VPS13C: variants seen among roughly 807,000 people sequenced by gnomAD.
VPS13C encodes the protein vacuolar protein sorting 13 homolog C.
A neutral mutation model predicts 456.8 loss-of-function variants in VPS13C; 358 were observed. The ratio of observed to expected loss-of-function variants is 0.78; its 90% CI spans 0.72 to 0.86. The LOEUF is 0.86. VPS13C is among the 40% of genes least tolerant of loss of function. The probability of loss-of-function intolerance (pLI) is 0.00; values close to 1 mark genes in which losing one functional copy is unlikely to be tolerated. For missense variants in VPS13C, 4,818 were observed against 4,385.4 expected, an observed-to-expected ratio of 1.10 and a Z score of -2.79; for synonymous variants, 1,578 against 1,486.7, an observed-to-expected ratio of 1.06 and a Z score of -1.41.
intron 81 of VPS13C, chr15:61,866,294 T>C: frequency 1.0e-6 from 1 of 983,182 alleles, no homozygotes; most frequent in Non-Finnish European, 1.2e-6. Context: ...TCTGATATCT[T>C]AATAAAAACT....
chr15:61,931,278 G>C lies in VPS13C; in HGVS notation c.5869-19C>G. The C allele has an allele frequency of 6.3e-7, 1 of 1,596,938 alleles. No homozygotes were observed. Among genetic ancestry groups the C allele is most frequent in the Non-Finnish European group, 8.5e-7 (1 of 1,173,246 alleles). Reference sequence around the variant, plus strand: ...CAGATTCCTATGGTACATTTTTCAAGCAAAAGAATCAATTACCTTTAAATA... The same window carrying C: ...CAGATTCCTATGGTACATTTTTCAACCAAAAGAATCAATTACCTTTAAATA... On this transcript the variant is annotated intron_variant, in intron 49 of 84. Coordinates refer to ENST00000644861, the MANE Select transcript of VPS13C (RefSeq NM_020821.3).
Position 61,874,966 on chromosome 15 carries a change from T to A in VPS13C, c.10339-15A>T, listed in dbSNP as rs563948234. On this transcript the variant is annotated splice_polypyrimidine_tract_variant and intron_variant, in intron 76 of 84. Transcript: ENST00000644861. ...TGAACAGCACCCTGGCAAAAAAAAA[T>A]AAAAAATAATCTTATTATTTAAAAT... 18 of 1,531,212 alleles carry A rather than the reference T, an allele frequency of 1.2e-5. No homozygotes were observed. The highest frequency in any genetic ancestry group is 7.0e-5 in the East Asian group (3 of 43,124). 94.9% of individuals were successfully genotyped at this position (1,531,212 alleles called of 1,614,324 possible).
chr15:61,886,058 C>T (rs1896244880), intron 67 of VPS13C, among the ~76,000 whole-genome samples: 1 of 152,086 alleles, frequency 6.6e-6, no homozygotes, highest in Non-Finnish European at 1.5e-5. Context: ...AGGCTAATGG[C>T]CTTAAACGAG....
At position 62,037,353 on chromosome 15, in the gene VPS13C, TATAAATG is replaced by T. The variant is rs1468490816; in HGVS notation, c.188-2308_188-2302del. Among the ~76,000 whole-genome samples the T allele has an allele frequency of 8.8e-4, 77 of 87,882 alleles. 15 individuals carry two copies. The highest frequency in any genetic ancestry group is 5.4e-3 in the Middle Eastern group (1 of 186). The allele number at this position is 87,882 out of a possible 152,430, so 57.7% of individuals were successfully genotyped here. A position where few individuals can be genotyped will look rare whatever the true frequency, so the allele number is the denominator to read the frequency against. Reference sequence around the variant, plus strand: ...ATACATTTATATATAATATATTATATATAAATGTATATAATATATTATATATAAATGT... The same window carrying T: ...ATACATTTATATATAATATATTATATTATATAATATATTATATATAAATGT... On this transcript the variant is annotated intron_variant, in intron 3 of 84. Coordinates refer to ENST00000644861, the MANE Select transcript of VPS13C (RefSeq NM_020821.3).
At position 62,013,993 on chromosome 15, in the gene VPS13C, C is replaced by A. The variant is rs2047137501; in HGVS notation, c.685-1G>T. On this transcript the variant is annotated splice_acceptor_variant, in intron 9 of 84. Coordinates refer to ENST00000644861, the MANE Select transcript of VPS13C (RefSeq NM_020821.3). LOFTEE classifies it high-confidence loss of function. ...ATGGAGTCCAGTGTTCATTTGCAGTCTAAAAGAAAAAAGGGAATACCTGTG... is the reference window on the plus strand; with the variant it reads ...ATGGAGTCCAGTGTTCATTTGCAGTATAAAAGAAAAAAGGGAATACCTGTG... 1 of 1,605,930 alleles carries A rather than the reference C, an allele frequency of 6.2e-7. No individual in the cohort carries two copies. The highest frequency in any genetic ancestry group is 8.5e-7 in the Non-Finnish European group (1 of 1,175,810).
intron 3 of VPS13C, among the ~76,000 whole-genome samples, chr15:62,036,793 A>G (rs2048014004): frequency 6.6e-6 from 1 of 151,902 alleles, no homozygotes; most frequent in Non-Finnish European, 1.5e-5. Flanking sequence ...TGAGTTTTTT[A>G]TATATTACTC....
intron 73 of VPS13C, chr15:61,879,639 A>G (rs901895271): frequency 1.3e-4 from 20 of 152,118 alleles, no homozygotes; most frequent in African/African-American, 4.8e-4. Flanking sequence ...AATCATTAAT[A>G]TCCCCCTAGA....
intron 31 of VPS13C, among the ~76,000 whole-genome samples, chr15:61,964,418 G>GA (rs1191991973): frequency 6.6e-6 from 1 of 151,982 alleles, no homozygotes; most frequent in Admixed American, 6.6e-5. Flanking sequence ...GAGCCACTGA[G>GA]CGGGGAGGAA....
chr15:62,008,777 T>C lies in VPS13C; in HGVS notation c.1012-16A>G, dbSNP rs1840160204. 5 of 1,439,534 alleles carry C rather than the reference T, an allele frequency of 3.5e-6. No individual in the cohort carries two copies. The highest frequency in any genetic ancestry group is 1.4e-5 in the African/African-American group (1 of 69,512). 89.2% of individuals were successfully genotyped at this position (1,439,534 alleles called of 1,614,324 possible). A position where few individuals can be genotyped will look rare whatever the true frequency, so the allele number is the denominator to read the frequency against. Reference sequence around the variant, plus strand: ...TACTTAAGTACTGTTAAAACAAAAATAAAATTATATTTATTACACTGTATA... The same window carrying C: ...TACTTAAGTACTGTTAAAACAAAAACAAAATTATATTTATTACACTGTATA... On this transcript the variant is annotated splice_polypyrimidine_tract_variant and intron_variant, in intron 13 of 84. Coordinates refer to ENST00000644861, the MANE Select transcript of VPS13C (RefSeq NM_020821.3).
At chr15:62,012,685 T>C (rs1303600088) in intron 11 of VPS13C, among the ~76,000 whole-genome samples, 3 of 151,926 alleles carry the variant, frequency 2.0e-5, no homozygotes, top group Admixed American at 6.6e-5. Context: ...ATACATGCTT[T>C]ATATCTGAGA....
At chr15:62,032,484 A>C (rs1209987190) in intron 5 of VPS13C, among the ~76,000 whole-genome samples, 1 of 151,814 alleles carries the variant, frequency 6.6e-6, no homozygotes, top group African/African-American at 2.4e-5. Flanking sequence ...AGTAACTTTT[A>C]ATAAAAGAAT....
At chr15:61,996,851 G>A (rs2046398877) in intron 16 of VPS13C, among the ~76,000 whole-genome samples, 1 of 146,926 alleles carries the variant, frequency 6.8e-6, no homozygotes, top group Non-Finnish European at 1.5e-5. Flanking sequence ...GATGAACAGA[G>A]CACCAAAAGG....
chr15:61,884,025 G>T, intron 68 of VPS13C, 103 bp downstream of exon 68: 1 of 1,056,946 alleles, frequency 9.5e-7, no homozygotes, highest in Non-Finnish European at 1.3e-6. Context: ...CAATAAATAA[G>T]TTCATTTCTG....
At position 61,881,718 on chromosome 15, in the gene VPS13C, T is replaced by C. The variant is rs777841473; in HGVS notation, c.9706+29A>G. 7 of 1,604,896 alleles carry C rather than the reference T, an allele frequency of 4.4e-6. No individual in the cohort carries two copies. The Admixed American group carries it at 1.0e-4, about 24-fold the overall frequency. On this transcript the variant is annotated intron_variant, in intron 70 of 84. Coordinates refer to ENST00000644861, the MANE Select transcript of VPS13C (RefSeq NM_020821.3). ...CTATTTAACTTTTATAAATAAGGTA[T>C]ATCTATGTCACAACTTATTTTATTT...
chr15:62,007,439 T>C lies in VPS13C; in HGVS notation c.1159A>G (p.Arg387Gly), dbSNP rs558592911. ...CATGACCACATCTGTGTATACCTTCTTATATGAACTTCAAGAACAGAATCA... is the reference window on the plus strand; with the variant it reads ...CATGACCACATCTGTGTATACCTTCCTATATGAACTTCAAGAACAGAATCA... ...AIDSVLEVHI[R>G]RYTQMWSWSN... Residue 387 changes from arginine to glycine, a missense_variant, in exon 15 of 85, where the codon AGA becomes GGA. By Grantham distance (125) the Arg-to-Gly change is moderately radical. Coordinates refer to ENST00000644861, the MANE Select transcript of VPS13C (RefSeq NM_020821.3). 3 of 1,599,944 alleles carry C rather than the reference T, an allele frequency of 1.9e-6. No individual in the cohort carries two copies. In the South Asian group the frequency reaches 3.5e-5, roughly 19 times the overall value.
chr15:62,009,396 CT>C (rs1567105065), intron 13 of VPS13C, among the ~76,000 whole-genome samples: 1 of 150,710 alleles, frequency 6.6e-6, no homozygotes, highest in African/African-American at 2.4e-5. Flanking sequence ...TAGCTTCCTC[CT>C]CTCTAATTTT....
intron 1 of VPS13C, among the ~76,000 whole-genome samples, chr15:62,053,901 A>G (rs1310075558): frequency 3.3e-5 from 5 of 152,206 alleles, no homozygotes; most frequent in South Asian, 2.1e-4. Flanking sequence ...AGGGCATTGC[A>G]CTTGGCTTCT....
In VPS13C at chr15:62,058,432, T is replaced by A. The variant is rs191400688; in HGVS notation, c.100+1843A>T. On this transcript the variant is annotated intron_variant, in intron 1 of 84. Coordinates refer to ENST00000644861, the MANE Select transcript of VPS13C (RefSeq NM_020821.3). ...GGCCCTCCATATTCACGGACTGAAC[T>A]AACTGCAGACCAAAAATATTTCGGG... Among the ~76,000 whole-genome samples, 171 of 152,110 alleles carry A rather than the reference T, an allele frequency of 1.1e-3. 1 individual carries two copies. The highest frequency in any genetic ancestry group is 4.7e-3 in the Admixed American group (72 of 15,270).
intron 18 of VPS13C, among the ~76,000 whole-genome samples, chr15:61,990,704 A>T (rs544014144): frequency 6.6e-6 from 1 of 152,146 alleles, no homozygotes; most frequent in African/African-American, 2.4e-5. Flanking sequence ...CCAGCTACTC[A>T]GGAGGCTGAG....
Sources: gnomAD v4.1 joint callset for allele counts (sites outside exome capture counted in the v4.1 genomes callset) on GRCh38, gnomAD v4.1.1 for gene constraint, MANE v1.5 for transcripts, NCBI Gene and HGNC (gene_info 2026-07-23, HGNC 2026-07-21) for gene names.